The following MDFIC variants were observed in gnomAD, a reference collection of about 807,000 sequenced individuals.
MDFIC encodes MyoD family inhibitor domain containing.
A neutral mutation model predicts 23.2 loss-of-function variants in MDFIC; 17 were observed. The ratio of observed to expected loss-of-function variants is 0.73; its 90% CI spans 0.50 to 1.10. The LOEUF is 1.10. Among genes scored for constraint, MDFIC ranks in the 50% least tolerant of loss-of-function variants. The probability of loss-of-function intolerance (pLI) is 0.00; values close to 1 mark genes in which losing one functional copy is unlikely to be tolerated. For synonymous variants in MDFIC, 120 were observed against 115.2 expected, an observed-to-expected ratio of 1.04 and a Z score of -0.27; for missense variants, 356 against 316.6, an observed-to-expected ratio of 1.12 and a Z score of -0.95.
Position 114,940,002 on chromosome 7 carries a change from A to G in MDFIC, c.95-2273A>G, listed in dbSNP as rs144655075. On this transcript the variant is annotated intron_variant, in intron 2 of 4. Coordinates refer to ENST00000393486, the MANE Select transcript of MDFIC (RefSeq NM_001166345.3). ...CCATGAAAAATCTCTTTTATTGATA[A>G]TCTCAGAATGACCTTGAGTTGACTG... 5.1e-4 allele frequency among the ~76,000 whole-genome samples: 78 copies of G among 152,282 alleles called. 2 individuals carry two copies. The East Asian group carries it at 0.014, about 28-fold the overall frequency.
intron 4 of MDFIC, among the ~76,000 whole-genome samples, chr7:115,011,860 G>A (rs1176479216): frequency 1.3e-5 from 2 of 152,168 alleles, no homozygotes; most frequent in Admixed American, 6.5e-5. Context: ...TCTCCTAATT[G>A]CTTATTGGTT....
At chr7:114,930,514 T>C (rs1792288767) in intron 2 of MDFIC, among the ~76,000 whole-genome samples, 1 of 152,192 alleles carries the variant, frequency 6.6e-6, no homozygotes. Context: ...TATGATTGAG[T>C]GACCTTTACA....
intron 2 of MDFIC, 124 bp from the exon 3 acceptor site, chr7:114,942,151 G>T: frequency 1.9e-6 from 1 of 535,634 alleles, no homozygotes; most frequent in Non-Finnish European, 3.0e-6. Context: ...AGGCAATAGA[G>T]GTATACCTGT....
intron 3 of MDFIC, among the ~76,000 whole-genome samples, chr7:114,955,175 C>T (rs1792860107): frequency 6.6e-6 from 1 of 152,294 alleles, no homozygotes; most frequent in Middle Eastern, 3.4e-3. Context: ...AAGTTGTACC[C>T]CAAGCAATCA....
At chr7:114,956,387 A>G (rs971782542) in intron 3 of MDFIC, among the ~76,000 whole-genome samples, 1 of 151,746 alleles carries the variant, frequency 6.6e-6, no homozygotes, top group South Asian at 2.1e-4. Flanking sequence ...ACACATATAT[A>G]TACACACATA....
intron 2 of MDFIC, among the ~76,000 whole-genome samples, chr7:114,927,199 G>GT (rs1189513600): frequency 3.9e-5 from 6 of 152,172 alleles, no homozygotes; most frequent in Admixed American, 3.9e-4. Flanking sequence ...ATCTCTGGAT[G>GT]TAAGAGCCAA....
At chr7:114,965,168 T>G in intron 3 of MDFIC, among the ~76,000 whole-genome samples, 1 of 151,446 alleles carries the variant, frequency 6.6e-6, no homozygotes, top group South Asian at 2.1e-4. Flanking sequence ...AGGAGAGGAG[T>G]AGTAGGTACA....
intron 3 of MDFIC, among the ~76,000 whole-genome samples, chr7:114,956,586 A>T (rs944973514): frequency 6.6e-6 from 1 of 152,060 alleles, no homozygotes; most frequent in African/African-American, 2.4e-5. Context: ...GAAACCAATG[A>T]TATGAGGTGG....
At chr7:114,944,922 T>A (rs999499989) in intron 3 of MDFIC, among the ~76,000 whole-genome samples, 1 of 152,128 alleles carries the variant, frequency 6.6e-6, no homozygotes, top group Non-Finnish European at 1.5e-5. Flanking sequence ...TCTCACGGAA[T>A]TGATGTTAGT....
At chr7:114,992,929 A>C (rs878978674) in intron 4 of MDFIC, among the ~76,000 whole-genome samples, 1 of 152,222 alleles carries the variant, frequency 6.6e-6, no homozygotes, top group Non-Finnish European at 1.5e-5. Flanking sequence ...GAATGGCAGC[A>C]GCTCCTCCTT....
intron 3 of MDFIC, among the ~76,000 whole-genome samples, chr7:114,946,882 A>T (rs1005055235): frequency 6.6e-6 from 1 of 152,200 alleles, no homozygotes; most frequent in Non-Finnish European, 1.5e-5. Context: ...AGCCTTTGCC[A>T]ACTTAATGCG....
intron 3 of MDFIC, among the ~76,000 whole-genome samples, chr7:114,955,385 G>A (rs765593433): frequency 2.6e-4 from 39 of 151,934 alleles, no homozygotes; most frequent in Non-Finnish European, 4.7e-4. Flanking sequence ...ATCTCTCCAC[G>A]TCTCCCGCCC....
Position 114,954,257 on chromosome 7 carries a change from G to A in MDFIC, c.217+11860G>A, listed in dbSNP as rs79262062. ...TGTCCTTTTCCTTAATGATAATTGT[G>A]CCTAATCTGCTAATTACGTTCTTTT... is the stretch of plus-strand genomic sequence containing the variant. On this transcript the variant is annotated intron_variant, in intron 3 of 4. Transcript: ENST00000393486. 7.6e-3 allele frequency among the ~76,000 whole-genome samples: 1,151 copies of A among 152,290 alleles called. 14 individuals carry two copies. Among genetic ancestry groups the A allele is most frequent in the African/African-American group, 0.027 (1,115 of 41,566 alleles).
At chr7:115,007,862 ATT>A (rs35353301) in intron 4 of MDFIC, among the ~76,000 whole-genome samples, 1 of 110,992 alleles carries the variant, frequency 9.0e-6, no homozygotes, top group Non-Finnish European at 1.8e-5. Context: ...TACTCAGCTA[ATT>A]TTTTTTTTTT....
At chr7:114,946,225 AGT>A (rs141050062) in intron 3 of MDFIC, among the ~76,000 whole-genome samples, 57,313 of 149,496 alleles carry the variant, frequency 0.38, 11,417 homozygotes, top group East Asian at 0.74. Flanking sequence ...TAGGAAGAAG[AGT>A]GTGTGTGTGT....
chr7:115,005,964 G>A (rs773490627), intron 4 of MDFIC, among the ~76,000 whole-genome samples: 1 of 152,122 alleles, frequency 6.6e-6, no homozygotes, highest in Admixed American at 6.5e-5. Context: ...GTCTCATTTC[G>A]CTGTAACATT....
intron 3 of MDFIC, among the ~76,000 whole-genome samples, chr7:114,959,316 T>C (rs1389730455): frequency 6.6e-6 from 1 of 152,160 alleles, no homozygotes; most frequent in Non-Finnish European, 1.5e-5. Flanking sequence ...ATGGGTGGTT[T>C]ATAGTCCTAG....
intron 2 of MDFIC, chr7:114,923,389 T>C (rs1018301814): frequency 1.4e-6 from 2 of 1,443,252 alleles, no homozygotes; most frequent in Non-Finnish European, 1.9e-6. Context: ...ACAGGATTGC[T>C]TCTTTCTTAA....
At chr7:114,953,111 C>T (rs1274650668) in intron 3 of MDFIC, among the ~76,000 whole-genome samples, 1 of 152,162 alleles carries the variant, frequency 6.6e-6, no homozygotes, top group African/African-American at 2.4e-5. Flanking sequence ...GAAGATTAAA[C>T]CCATATTCCT....
Sources: gnomAD v4.1 joint callset for allele counts (sites outside exome capture counted in the v4.1 genomes callset) on GRCh38, gnomAD v4.1.1 for gene constraint, MANE v1.5 for transcripts, NCBI Gene and HGNC (gene_info 2026-07-23, HGNC 2026-07-21) for gene names.